The following DEPTOR variants were observed in gnomAD, a reference collection of about 807,000 sequenced individuals.
DEPTOR encodes the protein DEP domain-containing mTOR-interacting protein.
Under a neutral mutation model 41.6 loss-of-function variants are expected in DEPTOR, and 41 were observed. That is an observed-to-expected ratio of 0.98 (90% CI 0.77 to 1.28). The LOEUF is 1.28. Among genes scored for constraint, DEPTOR ranks in the 50% most tolerant of loss-of-function variants. The pLI, the probability that DEPTOR is intolerant of heterozygous loss-of-function variation, is 0.00. For synonymous variants in DEPTOR, 195 were observed against 192.3 expected (o/e 1.01, Z -0.12); for missense variants, 514 against 527.9 (o/e 0.97, Z 0.26).
chr8:119,946,423 T>G (rs1443295287), intron 3 of DEPTOR, among the ~76,000 whole-genome samples: 2 of 150,622 alleles, frequency 1.3e-5, no homozygotes, highest in African/African-American at 4.9e-5. Flanking sequence ...ACCACCCAAA[T>G]AGTGTTTGGT....
At chr8:119,906,327 A>G (rs1827663401) in intron 1 of DEPTOR, among the ~76,000 whole-genome samples, 1 of 150,288 alleles carries the variant, frequency 6.7e-6, no homozygotes, top group Non-Finnish European at 1.5e-5. Flanking sequence ...ATGGTGGTGC[A>G]TGTCTGTGGT....
chr8:119,881,558 G>A (rs908111224), intron 1 of DEPTOR, among the ~76,000 whole-genome samples: 2 of 151,748 alleles, frequency 1.3e-5, no homozygotes, highest in African/African-American at 2.4e-5. Context: ...GGTAAAATGG[G>A]CCTTTGAACC....
chr8:119,899,117 T>A (rs10093746), intron 1 of DEPTOR, among the ~76,000 whole-genome samples: 10,504 of 152,282 alleles, frequency 0.069, 638 homozygotes, highest in South Asian at 0.17. Flanking sequence ...AGATAGAAAG[T>A]CATACTGTTC....
intron 4 of DEPTOR, among the ~76,000 whole-genome samples, chr8:119,996,597 C>G (rs1812262861): frequency 6.6e-6 from 1 of 152,164 alleles, no homozygotes; most frequent in African/African-American, 2.4e-5. Flanking sequence ...TGGATGTAAA[C>G]TAAACACTGG....
intron 1 of DEPTOR, among the ~76,000 whole-genome samples, chr8:119,881,535 T>TA (rs558327344): frequency 5.6e-4 from 66 of 118,136 alleles, no homozygotes; most frequent in South Asian, 3.5e-3. Context: ...AAAAAAATAA[T>TA]AAAAAAAAAA....
chr8:119,968,586 G>A (rs1331983182), intron 4 of DEPTOR, among the ~76,000 whole-genome samples: 1 of 152,168 alleles, frequency 6.6e-6, no homozygotes, highest in Non-Finnish European at 1.5e-5. Context: ...ACAGGCGTAA[G>A]CCACCATGCC....
At chr8:119,964,245 G>A (rs1375928847) in intron 3 of DEPTOR, among the ~76,000 whole-genome samples, 1 of 152,082 alleles carries the variant, frequency 6.6e-6, no homozygotes, top group Non-Finnish European at 1.5e-5. Context: ...CGCTGGGCAC[G>A]GTGGCTCACG....
At chr8:119,959,590 G>A (rs1034093886) in intron 3 of DEPTOR, among the ~76,000 whole-genome samples, 2 of 150,558 alleles carry the variant, frequency 1.3e-5, no homozygotes, top group South Asian at 2.1e-4. Flanking sequence ...ACAGTGGTGC[G>A]ATCTCGGTTC....
At chr8:120,041,905 T>C (rs1162714992) in intron 8 of DEPTOR, among the ~76,000 whole-genome samples, 1 of 152,158 alleles carries the variant, frequency 6.6e-6, no homozygotes, top group African/African-American at 2.4e-5. Flanking sequence ...ATATTACTTG[T>C]GAAAGTTTTG....
At chr8:119,887,342 T>A (rs1307987183) in intron 1 of DEPTOR, among the ~76,000 whole-genome samples, 3 of 121,770 alleles carry the variant, frequency 2.5e-5, no homozygotes, top group African/African-American at 9.6e-5. Context: ...AGGCTCTTTA[T>A]CACTTATCCT....
At chr8:119,896,367 T>C (rs7462250) in intron 1 of DEPTOR, among the ~76,000 whole-genome samples, 75,751 of 152,050 alleles carry the variant, frequency 0.5, 20,594 homozygotes, top group East Asian at 0.92. Context: ...GCCATGCTCT[T>C]TGATGGTTGA....
intron 1 of DEPTOR, among the ~76,000 whole-genome samples, chr8:119,904,689 T>G (rs2129762326): frequency 6.6e-6 from 1 of 151,284 alleles, no homozygotes; most frequent in Middle Eastern, 3.5e-3. Context: ...AGAGACGGGG[T>G]TTCACCATGT....
intron 4 of DEPTOR, among the ~76,000 whole-genome samples, chr8:119,976,085 C>T (rs1044944390): frequency 6.6e-6 from 1 of 151,758 alleles, no homozygotes; most frequent in Non-Finnish European, 1.5e-5. Flanking sequence ...TGGTCTTGAA[C>T]TCCTGACCTC....
intron 1 of DEPTOR, among the ~76,000 whole-genome samples, chr8:119,900,784 T>C (rs1159417033): frequency 6.6e-6 from 1 of 152,148 alleles, no homozygotes; most frequent in Non-Finnish European, 1.5e-5. Flanking sequence ...TAATTCTGCT[T>C]GATATAGAAT....
Position 120,049,584 on chromosome 8 carries a change from G to A in DEPTOR, c.1110G>A (p.Gln370=). 9 of 1,613,494 alleles carry A rather than the reference G, an allele frequency of 5.6e-6. No homozygotes were observed. The highest frequency in any genetic ancestry group is 7.6e-6 in the Non-Finnish European group (9 of 1,179,632). The change falls in exon 9 of 9, where the codon CAG becomes CAA. Residue 370 remains glutamine (Q), a synonymous_variant. Transcript: ENST00000286234. ...TTGCATCTTTCCTTTAGGTCTGTCA[G>A]TTTGTCGTCTCTGTCAACGGGCTCA... ...PAAAAGMKVC[Q]FVVSVNGLNV...
intron 1 of DEPTOR, among the ~76,000 whole-genome samples, chr8:119,900,013 T>G (rs1364613978): frequency 1.3e-5 from 2 of 152,020 alleles, no homozygotes; most frequent in African/African-American, 4.8e-5. Flanking sequence ...AAATATAAAT[T>G]CTATGTGACA....
At chr8:119,956,018 C>T (rs1586631657) in intron 3 of DEPTOR, among the ~76,000 whole-genome samples, 2 of 152,086 alleles carry the variant, frequency 1.3e-5, no homozygotes, top group South Asian at 2.1e-4. Flanking sequence ...GCAGAGCCAA[C>T]GATCCACTTC....
intron 4 of DEPTOR, among the ~76,000 whole-genome samples, chr8:119,976,158 A>G (rs1259775691): frequency 6.6e-6 from 1 of 151,774 alleles, no homozygotes; most frequent in Non-Finnish European, 1.5e-5. Context: ...CACCACTCCC[A>G]GCCCCCTACT....
intron 1 of DEPTOR, among the ~76,000 whole-genome samples, chr8:119,894,711 A>G (rs1388173188): frequency 6.6e-6 from 1 of 152,178 alleles, no homozygotes; most frequent in South Asian, 2.1e-4. Context: ...TAGTTCTTAA[A>G]AGTTAGTAAT....
Sources: allele counts gnomAD v4.1 joint callset (sites outside exome capture counted in the v4.1 genomes callset), GRCh38; gene constraint gnomAD v4.1.1; transcripts MANE v1.5; gene names NCBI Gene and HGNC (gene_info 2026-07-23, HGNC 2026-07-21).